The following EPB41L4B variants were observed in gnomAD, a reference collection of about 807,000 sequenced individuals.
EPB41L4B encodes the protein erythrocyte membrane protein band 4.1 like 4B.
A neutral mutation model predicts 112.5 loss-of-function variants in EPB41L4B; 30 were observed. That is an observed-to-expected ratio of 0.27 (90% CI 0.20 to 0.36). The LOEUF is 0.36. Ranked by LOEUF, EPB41L4B falls within the 10% of genes least tolerant of loss-of-function variation. The pLI is 1.00. For missense variants in EPB41L4B, 1,024 were observed against 1,133.3 expected (o/e 0.90, Z 1.38); for synonymous variants, 408 against 439.7 (o/e 0.93, Z 0.90).
intron 24 of EPB41L4B, among the ~76,000 whole-genome samples, chr9:109,177,916 TTCTC>T (rs1021567602): frequency 6.6e-6 from 1 of 151,804 alleles, no homozygotes; most frequent in African/African-American, 2.4e-5. Context: ...CTTCCTCTCT[TTCTC>T]TCTCTCTTTC....
intron 17 of EPB41L4B, among the ~76,000 whole-genome samples, chr9:109,211,348 C>A (rs4978385): frequency 0.35 from 52,418 of 151,640 alleles, 9,519 homozygotes; most frequent in Middle Eastern, 0.45. Flanking sequence ...TAATCCCAGC[C>A]ATTTGGGAGG....
chr9:109,280,565 C>T (rs998187301), intron 1 of EPB41L4B, among the ~76,000 whole-genome samples: 7 of 152,178 alleles, frequency 4.6e-5, no homozygotes, highest in Admixed American at 3.9e-4. Context: ...CTCCTCCTAA[C>T]GTTTCTATTC....
chr9:109,232,809 AT>A (rs1833999602), intron 15 of EPB41L4B, among the ~76,000 whole-genome samples: 1 of 152,200 alleles, frequency 6.6e-6, no homozygotes, highest in African/African-American at 2.4e-5. Context: ...TTATTTTGGT[AT>A]TCATTAGTGC....
At chr9:109,314,908 C>G (rs1372213729) in intron 1 of EPB41L4B, among the ~76,000 whole-genome samples, 1 of 152,168 alleles carries the variant, frequency 6.6e-6, no homozygotes, top group Non-Finnish European at 1.5e-5. Flanking sequence ...CCTGCGGGTC[C>G]CTTAATTCTT....
chr9:109,259,110 A>G (rs2119040941), intron 6 of EPB41L4B, among the ~76,000 whole-genome samples: 1 of 152,262 alleles, frequency 6.6e-6, no homozygotes, highest in Non-Finnish European at 1.5e-5. Flanking sequence ...GGCTACACCA[A>G]GTGTGGACCA....
At chr9:109,264,849 C>A in intron 5 of EPB41L4B, 131 bp downstream of exon 5, 1 of 685,180 alleles carries the variant, frequency 1.5e-6, no homozygotes, top group South Asian at 2.3e-5. Context: ...ATTAGACTCA[C>A]TTTACAATGC....
chr9:109,176,050 GCACACACACACA>G (rs58215877), intron 25 of EPB41L4B, among the ~76,000 whole-genome samples: 12 of 32,976 alleles, frequency 3.6e-4, no homozygotes, highest in African/African-American at 2.2e-3. Flanking sequence ...TCACACACAC[GCACACACACACA>G]CACACACACA....
At chr9:109,186,931 C>A (rs912803388) in intron 22 of EPB41L4B, among the ~76,000 whole-genome samples, 3 of 152,198 alleles carry the variant, frequency 2.0e-5, no homozygotes, top group African/African-American at 7.2e-5. Context: ...CTGGAAAATA[C>A]CAAACATTGT....
intron 1 of EPB41L4B, among the ~76,000 whole-genome samples, chr9:109,290,281 G>A (rs1308243110): frequency 2.6e-5 from 4 of 152,054 alleles, no homozygotes; most frequent in Admixed American, 6.5e-5. Flanking sequence ...CATACACTGC[G>A]CCCTGTGGTG....
chr9:109,255,798 G>T lies in EPB41L4B; in HGVS notation c.975C>A (p.Leu325=). 1 of 1,613,844 alleles carries T rather than the reference G, an allele frequency of 6.2e-7. No homozygotes were observed. Among genetic ancestry groups the T allele is most frequent in the Non-Finnish European group, 8.5e-7 (1 of 1,179,982 alleles). ...CCTGATCATCATCCTCGACCACCAC[G>T]AGTGTCAATTTGCTCTTTTTAAAAT... ...KMDFKKSKLT[L]VVVEDDDQGR... Residue 325 remains leucine, a synonymous_variant, in exon 10 of 26, where the codon CTC becomes CTA. Coordinates refer to ENST00000374566, the MANE Select transcript of EPB41L4B (RefSeq NM_019114.5).
intron 6 of EPB41L4B, among the ~76,000 whole-genome samples, chr9:109,262,493 T>G (rs1158924449): frequency 6.6e-6 from 1 of 150,438 alleles, no homozygotes; most frequent in African/African-American, 2.4e-5. Flanking sequence ...ACCCCTGCCC[T>G]AGTTAGTTTC....
intron 1 of EPB41L4B, among the ~76,000 whole-genome samples, chr9:109,293,524 A>C (rs1479489948): frequency 6.6e-6 from 1 of 151,774 alleles, no homozygotes; most frequent in Non-Finnish European, 1.5e-5. Context: ...CTGGTATTAC[A>C]GGCACCCGCC....
At chr9:109,286,143 G>GGGTA (rs1411273540) in intron 1 of EPB41L4B, among the ~76,000 whole-genome samples, 28 of 149,140 alleles carry the variant, frequency 1.9e-4, no homozygotes, top group South Asian at 6.6e-4. Context: ...ATGCAGGGGA[G>GGGTA]GGTAGGTGGG....
chr9:109,303,606 G>A lies in EPB41L4B; in HGVS notation c.306+16535C>T, dbSNP rs535802289. Among the ~76,000 whole-genome samples, 3 of 152,218 alleles carry A rather than the reference G, an allele frequency of 2.0e-5. No individual in the cohort carries two copies. In the East Asian group the frequency reaches 5.8e-4, roughly 29 times the overall value. On this transcript the variant is annotated intron_variant, in intron 1 of 25. Transcript: ENST00000374566. ...AGGCTTAAGCAATCCACCTACCTCA[G>A]CCTCCTAAAGTACTGGGATCACAGG...
At chr9:109,202,816 A>G (rs905763006) in intron 19 of EPB41L4B, among the ~76,000 whole-genome samples, 2 of 152,172 alleles carry the variant, frequency 1.3e-5, no homozygotes, top group Non-Finnish European at 2.9e-5. Flanking sequence ...CTACCGTGCA[A>G]TCTATGCACA....
intron 15 of EPB41L4B, among the ~76,000 whole-genome samples, chr9:109,226,607 C>CATAT (rs3081622): frequency 0.025 from 2,251 of 90,792 alleles, 111 homozygotes; most frequent in African/African-American, 0.09. Flanking sequence ...TTGGATTTTT[C>CATAT]ATATATATAT....
intron 15 of EPB41L4B, chr9:109,240,585 G>A: frequency 1.0e-6 from 1 of 985,336 alleles, no homozygotes; most frequent in Non-Finnish European, 1.2e-6. Context: ...CTTGAAATGG[G>A]GGAAATAAAT....
intron 1 of EPB41L4B, among the ~76,000 whole-genome samples, chr9:109,307,022 T>TG (rs1837232060): frequency 6.6e-6 from 1 of 151,264 alleles, no homozygotes; most frequent in Admixed American, 6.6e-5. Flanking sequence ...GTTGTTTTTT[T>TG]TTTTTTTTTT....
At chr9:109,293,397 C>G (rs1413129577) in intron 1 of EPB41L4B, among the ~76,000 whole-genome samples, 1 of 126,888 alleles carries the variant, frequency 7.9e-6, no homozygotes, top group Non-Finnish European at 1.7e-5. Context: ...TTTTTTTTTC[C>G]TTGAGACGGA....
Sources: allele counts gnomAD v4.1 joint callset (sites outside exome capture counted in the v4.1 genomes callset), GRCh38; gene constraint gnomAD v4.1.1; transcripts MANE v1.5; gene names NCBI Gene and HGNC (gene_info 2026-07-23, HGNC 2026-07-21).